GALNTL6: variants seen among roughly 807,000 people sequenced by gnomAD.
The protein encoded by GALNTL6 is polypeptide N-acetylgalactosaminyltransferase-like 6.
Under a neutral mutation model 73.7 loss-of-function variants are expected in GALNTL6, and 46 were observed. The ratio of observed to expected loss-of-function variants is 0.62; its 90% CI spans 0.49 to 0.80. The LOEUF (loss-of-function observed/expected upper bound fraction) is 0.80. GALNTL6 is among the 30% of genes least tolerant of loss of function. GALNTL6 has a pLI of 0.00. For missense variants in GALNTL6, 604 were observed against 755.0 expected (o/e 0.80, Z 2.34); for synonymous variants, 259 against 263.7 (o/e 0.98, Z 0.17).
intron 2 of GALNTL6, among the ~76,000 whole-genome samples, chr4:172,200,534 G>T (rs759859700): frequency 6.6e-6 from 1 of 152,170 alleles, no homozygotes; most frequent in Non-Finnish European, 1.5e-5. Flanking sequence ...ATAATCCATT[G>T]TGTTCTTTAT....
chr4:171,989,249 G>T (rs928470892), intron 2 of GALNTL6, among the ~76,000 whole-genome samples: 2 of 152,150 alleles, frequency 1.3e-5, no homozygotes, highest in African/African-American at 2.4e-5. Flanking sequence ...CTTGGTGTCC[G>T]TGATGGTCTA....
chr4:172,178,586 A>G (rs1024429658), intron 2 of GALNTL6, among the ~76,000 whole-genome samples: 2 of 151,666 alleles, frequency 1.3e-5, no homozygotes, highest in Non-Finnish European at 2.9e-5. Flanking sequence ...AAGACCCTGC[A>G]AAGGACATGA....
chr4:172,281,584 G>A (rs1223063295), intron 3 of GALNTL6, among the ~76,000 whole-genome samples: 6 of 152,214 alleles, frequency 3.9e-5, no homozygotes, highest in East Asian at 3.9e-4. Flanking sequence ...TGTGGTGCAC[G>A]CCTGTAATCC....
intron 3 of GALNTL6, among the ~76,000 whole-genome samples, chr4:172,243,849 T>C (rs949670558): frequency 6.6e-6 from 1 of 152,142 alleles, no homozygotes; most frequent in Non-Finnish European, 1.5e-5. Context: ...CTAAACAGAA[T>C]GAGAAGCAGA....
At chr4:172,898,627 A>G (rs1411151705) in intron 8 of GALNTL6, among the ~76,000 whole-genome samples, 1 of 152,068 alleles carries the variant, frequency 6.6e-6, no homozygotes, top group Admixed American at 6.6e-5. Context: ...TTGCTGAGGG[A>G]AAAAAATGCA....
chr4:172,773,149 C>T (rs992526701), intron 5 of GALNTL6, among the ~76,000 whole-genome samples: 3 of 152,162 alleles, frequency 2.0e-5, no homozygotes, highest in Non-Finnish European at 2.9e-5. Context: ...GCAGAAAATG[C>T]GTCAATGGAG....
intron 5 of GALNTL6, among the ~76,000 whole-genome samples, chr4:172,572,186 G>T (rs1455130): frequency 6.6e-6 from 1 of 151,882 alleles, no homozygotes; most frequent in East Asian, 1.9e-4. Flanking sequence ...TCTATGATGC[G>T]GACTGCAGTC....
At chr4:172,956,348 G>A (rs539961621) in intron 10 of GALNTL6, among the ~76,000 whole-genome samples, 8 of 152,276 alleles carry the variant, frequency 5.3e-5, no homozygotes, top group Non-Finnish European at 1.2e-4. Flanking sequence ...AAACTAAATG[G>A]AATAAGACAA....
intron 5 of GALNTL6, among the ~76,000 whole-genome samples, chr4:172,376,896 G>A (rs1743052373): frequency 6.6e-6 from 1 of 152,128 alleles, no homozygotes; most frequent in South Asian, 2.1e-4. Flanking sequence ...CAGATGTGTT[G>A]TTTCTTCCTT....
chr4:172,323,259 G>A (rs1436727855), intron 4 of GALNTL6, among the ~76,000 whole-genome samples: 1 of 151,988 alleles, frequency 6.6e-6, no homozygotes, highest in African/African-American at 2.4e-5. Flanking sequence ...GCATATACTT[G>A]GCAGTCCAGA....
chr4:171,963,506 A>C (rs1313584724), intron 2 of GALNTL6, among the ~76,000 whole-genome samples: 1 of 152,188 alleles, frequency 6.6e-6, no homozygotes, highest in Non-Finnish European at 1.5e-5. Flanking sequence ...TAGGTTTAAA[A>C]AGTGGTGTGT....
intron 3 of GALNTL6, among the ~76,000 whole-genome samples, chr4:172,237,968 A>T (rs1037132817): frequency 6.6e-6 from 1 of 152,118 alleles, no homozygotes; most frequent in Non-Finnish European, 1.5e-5. Flanking sequence ...TACTACTACC[A>T]TGCTGTTTTT....
At chr4:172,456,702 T>TG (rs149130493) in intron 5 of GALNTL6, among the ~76,000 whole-genome samples, 3,716 of 151,838 alleles carry the variant, frequency 0.024, 147 homozygotes, top group African/African-American at 0.081. Flanking sequence ...TGGGACTATG[T>TG]GAAAAAAACA....
Position 171,986,589 on chromosome 4 carries a change from G to A in GALNTL6, c.138+171871G>A, listed in dbSNP as rs193176347. Reference sequence around the variant, plus strand: ...AATGTTTCTCAGGGCTGTTTCGAGCGGGATTAGGGGTGGCGTGGGAACCTA... The same window carrying A: ...AATGTTTCTCAGGGCTGTTTCGAGCAGGATTAGGGGTGGCGTGGGAACCTA... On this transcript the variant is annotated intron_variant, in intron 2 of 12. Transcript: ENST00000506823. Among the ~76,000 whole-genome samples, 84 of 152,256 alleles carry A rather than the reference G, an allele frequency of 5.5e-4. 1 individual carries two copies. The South Asian group carries it at 0.012, about 21-fold the overall frequency.
chr4:172,126,008 T>C (rs1298433152), intron 2 of GALNTL6, among the ~76,000 whole-genome samples: 4 of 152,130 alleles, frequency 2.6e-5, no homozygotes, highest in Non-Finnish European at 4.4e-5. Flanking sequence ...CAGTATTATA[T>C]ATACACATTA....
At chr4:171,901,089 G>C (rs1174414142) in intron 2 of GALNTL6, among the ~76,000 whole-genome samples, 1 of 152,134 alleles carries the variant, frequency 6.6e-6, no homozygotes, top group Non-Finnish European at 1.5e-5. Flanking sequence ...ATTTAAAGTT[G>C]GGGCCAAGAG....
chr4:172,334,037 T>C (rs1371867306), intron 4 of GALNTL6, among the ~76,000 whole-genome samples: 1 of 152,194 alleles, frequency 6.6e-6, no homozygotes, highest in East Asian at 1.9e-4. Flanking sequence ...TTTTGTTCCA[T>C]TGGTCTGTGT....
intron 9 of GALNTL6, among the ~76,000 whole-genome samples, chr4:172,943,767 C>T (rs1749024659): frequency 6.6e-6 from 1 of 152,176 alleles, no homozygotes; most frequent in African/African-American, 2.4e-5. Context: ...TTAGCAACAA[C>T]AAACACACAA....
intron 10 of GALNTL6, among the ~76,000 whole-genome samples, chr4:172,965,020 T>C (rs1263669701): frequency 6.6e-6 from 1 of 152,240 alleles, no homozygotes; most frequent in Non-Finnish European, 1.5e-5. Context: ...TTAAGTGCTA[T>C]ATCTCATCAA....
Sources: allele counts gnomAD v4.1 joint callset (sites outside exome capture counted in the v4.1 genomes callset), GRCh38; gene constraint gnomAD v4.1.1; transcripts MANE v1.5; gene names NCBI Gene and HGNC (gene_info 2026-07-23, HGNC 2026-07-21).